Variants in DPP6 observed in about 807,000 individuals in gnomAD.
DPP6 encodes dipeptidyl peptidase like 6.
DPP6 carries 69 observed loss-of-function variants against 122.6 expected under a neutral mutation model. The ratio of observed to expected loss-of-function variants is 0.56; its 90% confidence interval spans 0.46 to 0.69. The LOEUF (loss-of-function observed/expected upper bound fraction) is 0.69, where lower values mean the gene tolerates loss of function less well. DPP6 is among the 30% of genes least tolerant of loss of function. The pLI, the probability that DPP6 is intolerant of heterozygous loss-of-function variation, is 0.00. For synonymous variants in DPP6, 418 were observed against 433.1 expected (o/e 0.97, Z 0.43); for missense variants, 928 against 1,116.9 (o/e 0.83, Z 2.41).
At chr7:154,700,669 C>G (rs1455476067) in intron 7 of DPP6, among the ~76,000 whole-genome samples, 1 of 152,176 alleles carries the variant, frequency 6.6e-6, no homozygotes, top group African/African-American at 2.4e-5. Flanking sequence ...AAACTGTTGA[C>G]CTAGCGAAGA....
Position 154,818,157 on chromosome 7 carries a change from A to C in DPP6, c.1666+11045A>C, listed in dbSNP as rs78393025. ...GGCCAGCCAAAATAGAAGTGACAGC[A>C]TGTCACTTCAGAGAAGAGAAAAGGG... On this transcript the variant is annotated intron_variant, in intron 16 of 25. Coordinates refer to ENST00000377770, the MANE Select transcript of DPP6 (RefSeq NM_130797.4). Among the ~76,000 whole-genome samples, 18 of 152,330 alleles carry C rather than the reference A, an allele frequency of 1.2e-4. No homozygotes were observed. In the East Asian group the frequency reaches 3.3e-3, roughly 28 times the overall value.
intron 1 of DPP6, among the ~76,000 whole-genome samples, chr7:154,226,025 G>T (rs893487972): frequency 5.3e-5 from 8 of 152,296 alleles, no homozygotes; most frequent in Admixed American, 3.3e-4. Flanking sequence ...AAGTGGCTGA[G>T]ACACAACTAG....
chr7:154,360,341 C>T (rs534425970), intron 1 of DPP6, among the ~76,000 whole-genome samples: 1 of 152,278 alleles, frequency 6.6e-6, no homozygotes, highest in South Asian at 2.1e-4. Context: ...TTTGATCTAA[C>T]CTCTTGAGTG....
At chr7:154,365,086 G>A (rs574666449) in intron 1 of DPP6, among the ~76,000 whole-genome samples, 1 of 152,300 alleles carries the variant, frequency 6.6e-6, no homozygotes, top group Non-Finnish European at 1.5e-5. Context: ...AAAATGGGCT[G>A]TTCATTTGAC....
At chr7:154,253,596 T>A (rs1563372735) in intron 1 of DPP6, among the ~76,000 whole-genome samples, 1 of 152,230 alleles carries the variant, frequency 6.6e-6, no homozygotes, top group Non-Finnish European at 1.5e-5. Context: ...AATATGTATA[T>A]GACTAAACTT....
At chr7:153,881,504 A>G in the DPP6 span, among the ~76,000 whole-genome samples, 54 of 152,276 alleles carry the variant, frequency 3.5e-4, no homozygotes, top group South Asian at 9.8e-3. Flanking sequence ...TGATATCCTT[A>G]TTATTCCAAC....
rs557980617 is a variant in DPP6, at chr7:154,656,421, G to C, written c.681-12939G>C. On this transcript the variant is annotated intron_variant, in intron 6 of 25. Coordinates refer to ENST00000377770, the MANE Select transcript of DPP6 (RefSeq NM_130797.4). ...GAGAGGGAGGTCGGGGGAGAGCTGGGAGAAGGGGCAGTCCTGAACATCAAG... is the reference window on the plus strand; with the variant it reads ...GAGAGGGAGGTCGGGGGAGAGCTGGCAGAAGGGGCAGTCCTGAACATCAAG... Among the ~76,000 whole-genome samples, 103 of 145,560 alleles carry C rather than the reference G, an allele frequency of 7.1e-4. 1 individual carries two copies. Among genetic ancestry groups the C allele is most frequent in the African/African-American group, 2.6e-3 (100 of 37,950 alleles).
At chr7:153,882,396 TG>T (rs1463636848), upstream of DPP6, among the ~76,000 whole-genome samples, 1 of 152,212 alleles carries the variant, frequency 6.6e-6, no homozygotes, top group African/African-American at 2.4e-5. Flanking sequence ...CAGGTTGAGT[TG>T]CCTTATGTTG....
At chr7:154,650,562 G>A (rs1243667803) in intron 6 of DPP6, among the ~76,000 whole-genome samples, 3 of 152,178 alleles carry the variant, frequency 2.0e-5, no homozygotes, top group Non-Finnish European at 1.5e-5. Flanking sequence ...ATTCCAAAGT[G>A]AGGGCTGGCA....
chr7:154,859,346 G>A (rs933493898), intron 17 of DPP6, among the ~76,000 whole-genome samples: 1 of 152,352 alleles, frequency 6.6e-6, no homozygotes, highest in Non-Finnish European at 1.5e-5. Flanking sequence ...TCGGGGAGCC[G>A]GCTCCTGAGC....
upstream of DPP6, among the ~76,000 whole-genome samples, chr7:154,051,885 C>T (rs567684936): frequency 0.02 from 3,015 of 151,404 alleles, 81 homozygotes; most frequent in Admixed American, 0.083. Flanking sequence ...GTCCGACCAC[C>T]CCGCGCCCTC....
chr7:154,575,099 T>C (rs1831470347), intron 5 of DPP6, among the ~76,000 whole-genome samples: 2 of 135,232 alleles, frequency 1.5e-5, no homozygotes, highest in African/African-American at 2.8e-5. Flanking sequence ...GTGCGTGTGG[T>C]GTGTATGCTG....
intron 1 of DPP6, among the ~76,000 whole-genome samples, chr7:154,181,418 T>G (rs1798074245): frequency 6.6e-6 from 1 of 152,148 alleles, no homozygotes; most frequent in Non-Finnish European, 1.5e-5. Context: ...AATTCCCTAG[T>G]GTTCTGCTGG....
intron 1 of DPP6, among the ~76,000 whole-genome samples, chr7:153,988,118 ACTTAAT>A (rs1796938618): frequency 6.6e-6 from 1 of 152,262 alleles, no homozygotes; most frequent in South Asian, 2.1e-4. Flanking sequence ...GCCTCAGTGA[ACTTAAT>A]CTTAGATGGG....
chr7:154,861,915 C>T (rs1803437560), intron 17 of DPP6, among the ~76,000 whole-genome samples: 1 of 152,166 alleles, frequency 6.6e-6, no homozygotes, highest in African/African-American at 2.4e-5. Flanking sequence ...CTTGTTATAG[C>T]AGTGCCATTT....
intron 1 of DPP6, among the ~76,000 whole-genome samples, chr7:154,159,105 A>G (rs13311847): frequency 0.069 from 10,476 of 151,502 alleles, 396 homozygotes; most frequent in Non-Finnish European, 0.077. Context: ...GGATCAGAAT[A>G]CGCCTTATTC....
intron 11 of DPP6, among the ~76,000 whole-genome samples, chr7:154,794,750 AAG>A (rs2150431593): frequency 5.8e-5 from 1 of 17,298 alleles, no homozygotes; most frequent in East Asian, 1.7e-3. Context: ...AATGAAGTGT[AAG>A]AGAGGTTGCC....
chr7:154,307,028 G>A (rs1474287488), intron 1 of DPP6, among the ~76,000 whole-genome samples: 1 of 152,170 alleles, frequency 6.6e-6, no homozygotes, highest in Admixed American at 6.6e-5. Context: ...TAGGACTCAG[G>A]TAGCATCCCT....
At chr7:154,258,115 A>C (rs755789254) in intron 1 of DPP6, among the ~76,000 whole-genome samples, 90 of 135,142 alleles carry the variant, frequency 6.7e-4, no homozygotes, top group Non-Finnish European at 1.2e-3. Context: ...CATGAGGAGG[A>C]GAGGAGAGAT....
Sources: gnomAD v4.1 joint callset for allele counts (sites outside exome capture counted in the v4.1 genomes callset) on GRCh38, gnomAD v4.1.1 for gene constraint, MANE v1.5 for transcripts, NCBI Gene and HGNC (gene_info 2026-07-23, HGNC 2026-07-21) for gene names.